Variants in COL4A6 observed in about 807,000 individuals in gnomAD.
COL4A6 encodes collagen alpha-6(IV) chain.
In COL4A6, 59 loss-of-function variants were observed where a neutral mutation model predicts 126.7. The ratio of observed to expected loss-of-function variants is 0.47; its 90% CI spans 0.38 to 0.58. The LOEUF (loss-of-function observed/expected upper bound fraction) is 0.58. Among genes scored for constraint, COL4A6 ranks in the 20% least tolerant of loss-of-function variants. The pLI, the probability that COL4A6 is intolerant of heterozygous loss-of-function variation, is 0.00. For missense variants in COL4A6, 1,285 were observed against 1,337.3 expected, an observed-to-expected ratio of 0.96 and a Z score of 0.61; for synonymous variants, 547 against 496.6, an observed-to-expected ratio of 1.10 and a Z score of -1.35.
chrX:108,211,809 TC>T, intron 6 of COL4A6, 69 bp from the exon 7 acceptor site: 3 of 1,030,607 alleles, frequency 2.9e-6, no homozygotes, highest in Non-Finnish European at 4.1e-6. Flanking sequence ...CATTATCTGA[TC>T]AGATAGAGGA....
intron 4 of COL4A6, 143 bp downstream of exon 4, chrX:108,221,097 C>CA (rs750463198): frequency 0.021 from 13,327 of 628,767 alleles, no homozygotes; most frequent in Non-Finnish European, 0.025. Context: ...GACTCTGTCT[C>CA]AAAAAAAAAA....
intron 3 of COL4A6, among the ~76,000 whole-genome samples, chrX:108,279,916 G>A (rs2037749320): frequency 9.0e-6 from 1 of 111,124 alleles, no homozygotes; most frequent in Non-Finnish European, 1.9e-5. Context: ...CGAAATGAAG[G>A]CAGAATTAAA....
Position 108,214,569 on chromosome X carries a change from G to A in COL4A6, c.325-341C>T, listed in dbSNP as rs1320874064. On this transcript the variant is annotated intron_variant, in intron 5 of 44. Coordinates refer to ENST00000334504, the MANE Select transcript of COL4A6 (RefSeq NM_033641.4). ...TGGGCTTAGCTGTCTGGCAGCTGAA[G>A]TGATACCAACAGGGAATCATGCCAG... 2.7e-5 allele frequency among the ~76,000 whole-genome samples: 3 copies of A among 112,237 alleles called. No homozygotes were observed. In the South Asian group the frequency reaches 1.1e-3, roughly 41 times the overall value.
chrX:108,211,846 G>C, intron 6 of COL4A6, 106 bp from the exon 7 acceptor site: 1 of 817,192 alleles, frequency 1.2e-6, no homozygotes, highest in Admixed American at 2.6e-5. Context: ...CTGAAACCAT[G>C]TGGCTTTTTC....
At chrX:108,334,840 A>G (rs188952815) in intron 2 of COL4A6, among the ~76,000 whole-genome samples, 337 of 111,898 alleles carry the variant, frequency 3.0e-3, no homozygotes, top group African/African-American at 0.011. Context: ...TATTTACCTC[A>G]TAACAGAGTT....
Position 108,179,407 on chromosome X carries a change from C to A in COL4A6, c.2163G>T (p.Leu721Phe). The A allele has an allele frequency of 8.3e-7, 1 of 1,209,104 alleles. No individual in the cohort carries two copies. Residue 721 changes from leucine (L) to phenylalanine (F), a missense_variant, in exon 26 of 45, where the codon TTG becomes TTT. Coordinates refer to ENST00000334504, the MANE Select transcript of COL4A6 (RefSeq NM_033641.4). Reference sequence around the variant, plus strand: ...TTCCAGGGAGCCCAGGAAACCCAGGCAAGCCCTTCTCCCCACGAGGTCCAG... The same window carrying A: ...TTCCAGGGAGCCCAGGAAACCCAGGAAAGCCCTTCTCCCCACGAGGTCCAG... Reference protein sequence around the residue: ...GFPGPRGEKGLPGFPGLPGKD... With the variant: ...GFPGPRGEKGFPGFPGLPGKD...
intron 2 of COL4A6, among the ~76,000 whole-genome samples, chrX:108,343,282 C>A (rs1457808888): frequency 2.0e-5 from 2 of 102,104 alleles, no homozygotes; most frequent in African/African-American, 7.2e-5. Context: ...TATGTGTAAG[C>A]CACTAAATGT....
intron 31 of COL4A6, 98 bp from the exon 32 acceptor site, chrX:108,172,630 T>A: frequency 1.5e-6 from 1 of 653,304 alleles, no homozygotes; most frequent in Non-Finnish European, 2.3e-6. Flanking sequence ...CTGAGAGATG[T>A]CCATCATGTA....
chrX:108,178,251 T>C (rs2034559636), intron 27 of COL4A6, among the ~76,000 whole-genome samples: 1 of 112,310 alleles, frequency 8.9e-6, no homozygotes, highest in Admixed American at 9.4e-5. Flanking sequence ...CCATGGGTCC[T>C]TGGAGGCATG....
chrX:108,163,046 C>T lies in COL4A6; in HGVS notation c.4070-8G>A. ...CTTGGAGGCCAGAAGAGCCTGTGGG[C>T]AGGTGGGGGAAATAAGAACATCAGG... is the stretch of plus-strand genomic sequence containing the variant. On this transcript the variant is annotated splice_polypyrimidine_tract_variant and splice_region_variant and intron_variant, in intron 40 of 44. Transcript: ENST00000334504. 1.7e-6 allele frequency: 2 copies of T among 1,188,987 alleles called. No homozygotes were observed. Among genetic ancestry groups the T allele is most frequent in the Non-Finnish European group, 2.3e-6 (2 of 887,286 alleles).
At chrX:108,214,832 T>C (rs1401169364) in intron 5 of COL4A6, among the ~76,000 whole-genome samples, 1 of 112,858 alleles carries the variant, frequency 8.9e-6, no homozygotes, top group Non-Finnish European at 1.9e-5. Flanking sequence ...GAAAACTGTA[T>C]GTTTTCCTCT....
chrX:108,156,854 G>T lies in COL4A6; in HGVS notation c.*146C>A. 1 of 593,578 alleles carries T rather than the reference G, an allele frequency of 1.7e-6. No individual in the cohort carries two copies. Among genetic ancestry groups the T allele is most frequent in the Non-Finnish European group, 2.7e-6 (1 of 365,376 alleles). The allele number at this position is 593,578 out of a possible 1,213,427, so 48.9% of individuals were successfully genotyped here. ...GGACCCGAGGGCTGGGGTGACGAGT[G>T]TCCGGTAGTCTAGCCCAAATGAGAC... On this transcript the variant is annotated 3_prime_UTR_variant, in exon 45 of 45. Coordinates refer to ENST00000334504, the MANE Select transcript of COL4A6 (RefSeq NM_033641.4).
intron 3 of COL4A6, among the ~76,000 whole-genome samples, chrX:108,244,404 G>T (rs2036660252): frequency 9.0e-6 from 1 of 111,459 alleles, no homozygotes; most frequent in Non-Finnish European, 1.9e-5. Context: ...ATTCTACTGT[G>T]AGCTCAGTTT....
chrX:108,157,192 A>G lies in COL4A6; in HGVS notation c.4881T>C (p.Phe1627=), dbSNP rs374763127. ...LVSPGSCLED[F]RATPFIECSG... ...TGCATTCGATGAAAGGAGTGGCCCG[A>G]AAGTCCTCTAGGCAGGAGCCAGGTG... The change falls in exon 45 of 45, where the codon TTT becomes TTC. Residue 1627 remains phenylalanine (F), a synonymous_variant. Coordinates refer to ENST00000334504, the MANE Select transcript of COL4A6 (RefSeq NM_033641.4). 13 of 1,210,277 alleles carry G rather than the reference A, an allele frequency of 1.1e-5. No individual in the cohort carries two copies. The highest frequency in any genetic ancestry group is 4.6e-4 in the Middle Eastern group (2 of 4,371).
chrX:108,238,758 A>G (rs1406066880), intron 3 of COL4A6, among the ~76,000 whole-genome samples: 1 of 110,489 alleles, frequency 9.1e-6, no homozygotes, highest in Non-Finnish European at 1.9e-5. Flanking sequence ...CATGGTTAAT[A>G]CCAATGAGTG....
chrX:108,251,270 G>A (rs929886823), intron 3 of COL4A6, among the ~76,000 whole-genome samples: 12 of 111,729 alleles, frequency 1.1e-4, no homozygotes, highest in Non-Finnish European at 9.4e-5. Flanking sequence ...TCCCTAATAT[G>A]TCAATCAAAC....
rs747393517 is a variant in COL4A6 at position 108,170,583 on chromosome X, C to T, written c.3493+26G>A. 3 of 1,134,916 alleles carry T rather than the reference C, an allele frequency of 2.6e-6. No homozygotes were observed. In the South Asian group the frequency reaches 5.6e-5, roughly 21 times the overall value. The allele number at this position is 1,134,916 out of a possible 1,213,427, so 93.5% of individuals were successfully genotyped here. A position where few individuals can be genotyped will look rare whatever the true frequency, so the allele number is the denominator to read the frequency against. ...CTTCATCGAGGGAAAGACTTTTCCC[C>T]ACTGCCTGCTCCCAAATACACATAC... On this transcript the variant is annotated intron_variant, in intron 35 of 44. Coordinates refer to ENST00000334504, the MANE Select transcript of COL4A6 (RefSeq NM_033641.4).
intron 3 of COL4A6, among the ~76,000 whole-genome samples, chrX:108,238,115 T>G (rs2036482657): frequency 9.4e-6 from 1 of 105,861 alleles, no homozygotes. Flanking sequence ...TGTGTGTGTT[T>G]TTTTTTTTTG....
At chrX:108,346,181 T>A (rs2039702171) in intron 2 of COL4A6, among the ~76,000 whole-genome samples, 1 of 111,793 alleles carries the variant, frequency 8.9e-6, no homozygotes, top group Non-Finnish European at 1.9e-5. Flanking sequence ...TAGCCATCAT[T>A]TAATGAACAT....
Sources: gnomAD v4.1 joint callset for allele counts (sites outside exome capture counted in the v4.1 genomes callset) on GRCh38, gnomAD v4.1.1 for gene constraint, MANE v1.5 for transcripts, NCBI Gene and HGNC (gene_info 2026-07-23, HGNC 2026-07-21) for gene names.